The following LRRC1 variants were observed in gnomAD, a reference collection of about 807,000 sequenced individuals.
LRRC1 encodes leucine-rich repeat-containing protein 1.
Under a neutral mutation model 69.9 loss-of-function variants are expected in LRRC1, and 28 were observed. That is an observed-to-expected ratio of 0.40 (90% CI 0.30 to 0.55). The LOEUF (loss-of-function observed/expected upper bound fraction) is 0.55. LRRC1 is among the 20% of genes least tolerant of loss of function. The pLI is 0.47. For missense variants in LRRC1, 498 were observed against 609.0 expected, an observed-to-expected ratio of 0.82 and a Z score of 1.92; for synonymous variants, 236 against 240.2, an observed-to-expected ratio of 0.98 and a Z score of 0.16.
intron 11 of LRRC1, chr6:53,919,223 C>A (rs1768659714): frequency 9.3e-6 from 1 of 107,970 alleles, no homozygotes. Flanking sequence ...CTGTAATTTT[C>A]TCTCTCTTTT....
At chr6:53,857,813 G>A (rs574491727) in intron 2 of LRRC1, among the ~76,000 whole-genome samples, 6 of 152,318 alleles carry the variant, frequency 3.9e-5, no homozygotes, top group Admixed American at 3.3e-4. Context: ...TCAGAGGAAG[G>A]CTTGAAACAT....
intron 4 of LRRC1, chr6:53,884,188 T>A (rs532198165): frequency 1.7e-6 from 1 of 581,106 alleles, no homozygotes; most frequent in Admixed American, 3.1e-5. Flanking sequence ...TTTTGCTGTA[T>A]CAAGTGTCAG....
In LRRC1 at chr6:53,800,458, G is replaced by C. The variant is rs142915065; in HGVS notation, c.159+5043G>C. 2.0e-3 allele frequency among the ~76,000 whole-genome samples: 294 copies of C among 150,686 alleles called. 3 individuals carry two copies. In the East Asian group the frequency reaches 0.041, roughly 21 times the overall value. On this transcript the variant is annotated intron_variant, in intron 1 of 13. Transcript: ENST00000370888. ...ATAGAGACGGGGTTTCACCATGTTGGGCAGGCTGGTCTTGAACTCCTGACC... is the reference window on the plus strand; with the variant it reads ...ATAGAGACGGGGTTTCACCATGTTGCGCAGGCTGGTCTTGAACTCCTGACC...
chr6:53,844,377 G>A (rs1765875903), intron 2 of LRRC1, among the ~76,000 whole-genome samples: 1 of 152,110 alleles, frequency 6.6e-6, no homozygotes, highest in African/African-American at 2.4e-5. Flanking sequence ...TGACTATTTG[G>A]GCGGAAGGAA....
intron 1 of LRRC1, among the ~76,000 whole-genome samples, chr6:53,816,817 G>A (rs1054482925): frequency 1.3e-5 from 2 of 151,976 alleles, no homozygotes; most frequent in Non-Finnish European, 2.9e-5. Flanking sequence ...CGTATATGCC[G>A]AACAATCTGA....
rs533841719 is a variant in LRRC1 at position 53,872,455 on chromosome 6, G to T, written c.278-6538G>T. ...GGTCTATGTATCAGTTTCTATGCTA[G>T]TACCATACTGTTTTGGTTACTATTG... On this transcript the variant is annotated intron_variant, in intron 2 of 13. Transcript: ENST00000370888. Among the ~76,000 whole-genome samples the T allele has an allele frequency of 3.9e-5, 6 of 152,184 alleles. No individual in the cohort carries two copies. In the South Asian group the frequency reaches 1.2e-3, roughly 32 times the overall value.
At chr6:53,867,264 C>T (rs1230572553) in intron 2 of LRRC1, among the ~76,000 whole-genome samples, 1 of 152,018 alleles carries the variant, frequency 6.6e-6, no homozygotes, top group East Asian at 1.9e-4. Context: ...AGTAGGCGCT[C>T]AGTAAAGTTC....
At chr6:53,875,828 G>T (rs12202361) in intron 2 of LRRC1, among the ~76,000 whole-genome samples, 8,047 of 152,032 alleles carry the variant, frequency 0.053, 252 homozygotes, top group Admixed American at 0.077. Context: ...TACATATAAT[G>T]TACTGTGTAA....
chr6:53,821,210 C>T (rs1765105259), intron 1 of LRRC1, among the ~76,000 whole-genome samples: 1 of 152,186 alleles, frequency 6.6e-6, no homozygotes, highest in South Asian at 2.1e-4. Flanking sequence ...TGTGGGTTCT[C>T]ATGTGTCCAC....
chr6:53,830,904 A>G (rs1765408040), intron 1 of LRRC1, among the ~76,000 whole-genome samples: 1 of 146,080 alleles, frequency 6.8e-6, no homozygotes, highest in South Asian at 2.2e-4. Flanking sequence ...GGTTTTTGCC[A>G]TTATCTTCAA....
chr6:53,877,951 T>C (rs1383951990), intron 2 of LRRC1, among the ~76,000 whole-genome samples: 7 of 152,208 alleles, frequency 4.6e-5, no homozygotes, highest in Non-Finnish European at 1.0e-4. Context: ...TCTGTTTTCA[T>C]GCTGCTGATA....
chr6:53,895,699 G>A (rs1767846708), intron 4 of LRRC1, among the ~76,000 whole-genome samples: 1 of 152,176 alleles, frequency 6.6e-6, no homozygotes, highest in Non-Finnish European at 1.5e-5. Context: ...AGGGTTTCTG[G>A]TGATGCAGAA....
At chr6:53,860,626 T>G (rs1208222524) in intron 2 of LRRC1, among the ~76,000 whole-genome samples, 1 of 152,202 alleles carries the variant, frequency 6.6e-6, no homozygotes, top group African/African-American at 2.4e-5. Context: ...AGAAGGCAGT[T>G]AAATTAGATC....
chr6:53,900,053 T>TTTTTTTTTTTTTTTC (rs1768007874), intron 8 of LRRC1, among the ~76,000 whole-genome samples, 162 bp downstream of exon 8: 1 of 116,832 alleles, frequency 8.6e-6, no homozygotes, highest in African/African-American at 3.6e-5. Context: ...TTTTTTTTTT[T>TTTTTTTTTTTTTTTC]CTGAGATGGA....
At chr6:53,898,196 G>A (rs1433825549) in intron 7 of LRRC1, among the ~76,000 whole-genome samples, 1 of 152,144 alleles carries the variant, frequency 6.6e-6, no homozygotes, top group Non-Finnish European at 1.5e-5. Context: ...AAGTTTCCAT[G>A]ATGTCACCTA....
chr6:53,814,264 G>A (rs1287444652), intron 1 of LRRC1, among the ~76,000 whole-genome samples: 1 of 152,006 alleles, frequency 6.6e-6, no homozygotes, highest in Non-Finnish European at 1.5e-5. Flanking sequence ...GTTGTTAGAT[G>A]GTAGTGAAAC....
rs11355552 is a variant in LRRC1, at chr6:53,891,990, TAAA to T, written c.447-4500_447-4498del. Among the ~76,000 whole-genome samples, 219 of 84,978 alleles carry T rather than the reference TAAA, an allele frequency of 2.6e-3. 2 individuals are homozygous for T. Among genetic ancestry groups the T allele is most frequent in the East Asian group, 0.014 (55 of 3,844 alleles). 55.7% of individuals were successfully genotyped at this position (84,978 alleles called of 152,430 possible). A position where few individuals can be genotyped will look rare whatever the true frequency, so the allele number is the denominator to read the frequency against. The stretch of plus-strand genomic sequence containing the variant: ...CTGGGTGACAGAGTAAGATTCTGTC[TAAA>T]AAAAAAATATATATATATACACACA... On this transcript the variant is annotated intron_variant, in intron 4 of 13. Coordinates refer to ENST00000370888, the MANE Select transcript of LRRC1 (RefSeq NM_018214.5).
chr6:53,904,274 T>A, intron 9 of LRRC1, 105 bp from the exon 10 acceptor site: 1 of 651,196 alleles, frequency 1.5e-6, no homozygotes, highest in Admixed American at 2.8e-5. Flanking sequence ...ATTGCTTCTG[T>A]TGCTGGATGA....
At chr6:53,815,314 A>G (rs1764920259) in intron 1 of LRRC1, among the ~76,000 whole-genome samples, 3 of 152,146 alleles carry the variant, frequency 2.0e-5, no homozygotes, top group Admixed American at 6.5e-5. Context: ...TAGCAAAGCT[A>G]CTTGTCATCT....
Sources: allele counts gnomAD v4.1 joint callset (sites outside exome capture counted in the v4.1 genomes callset), GRCh38; gene constraint gnomAD v4.1.1; transcripts MANE v1.5; gene names NCBI Gene and HGNC (gene_info 2026-07-23, HGNC 2026-07-21).